ADAMTS3: variants seen among roughly 807,000 people sequenced by gnomAD.
ADAMTS3 encodes the protein A disintegrin and metalloproteinase with thrombospondin motifs 3.
In ADAMTS3, 73 loss-of-function variants were observed where a neutral mutation model predicts 129.0. That is an observed-to-expected ratio of 0.57 (90% CI 0.47 to 0.69). The LOEUF is 0.69. Ranked by LOEUF, ADAMTS3 falls within the 30% of genes least tolerant of loss-of-function variation. The pLI is 0.00. For missense variants in ADAMTS3, 1,457 were observed against 1,514.5 expected (o/e 0.96, Z 0.63); for synonymous variants, 477 against 510.8 (o/e 0.93, Z 0.89).
At chr4:72,468,187 A>G (rs1718971884) in intron 3 of ADAMTS3, among the ~76,000 whole-genome samples, 1 of 152,230 alleles carries the variant, frequency 6.6e-6, no homozygotes, top group African/African-American at 2.4e-5. Context: ...TCCTTCATTT[A>G]CAAACTCTAA....
rs549077414 is a variant in ADAMTS3, at chr4:72,518,843, A to G, written c.504+29635T>C. 3.5e-3 allele frequency among the ~76,000 whole-genome samples: 523 copies of G among 151,378 alleles called. 6 individuals are homozygous for G. The highest frequency in any genetic ancestry group is 0.027 in the East Asian group (138 of 5,164). On this transcript the variant is annotated intron_variant, in intron 3 of 21. Coordinates refer to ENST00000286657, the MANE Select transcript of ADAMTS3 (RefSeq NM_014243.3). ...GAGCATTTAGTCCATTTACATTTAA[A>G]GTTAATATTGTTATGTGTGAATTTG... is the stretch of plus-strand genomic sequence containing the variant.
At chr4:72,403,729 A>G (rs918913435) in intron 4 of ADAMTS3, among the ~76,000 whole-genome samples, 1 of 151,462 alleles carries the variant, frequency 6.6e-6, no homozygotes, top group Non-Finnish European at 1.5e-5. Flanking sequence ...AGATAAAAAA[A>G]TTTTTTAAAA....
chr4:72,305,738 T>C lies in ADAMTS3; in HGVS notation c.2260+249A>G, dbSNP rs555702682. Among the ~76,000 whole-genome samples, 33 of 152,016 alleles carry C rather than the reference T, an allele frequency of 2.2e-4. 2 individuals are homozygous for C. In the South Asian group the frequency reaches 6.6e-3, roughly 31 times the overall value. The stretch of plus-strand genomic sequence containing the variant: ...ATTCTTACATATACGTATGCACATG[T>C]ATGTACATATACATATGCACATGTA... On this transcript the variant is annotated intron_variant, in intron 16 of 21. Transcript: ENST00000286657.
chr4:72,503,734 A>C (rs1208400359), intron 3 of ADAMTS3, among the ~76,000 whole-genome samples: 1 of 152,182 alleles, frequency 6.6e-6, no homozygotes, highest in Non-Finnish European at 1.5e-5. Flanking sequence ...GTGACTGTCT[A>C]CATTTCCTAA....
chr4:72,462,405 G>T (rs140620708), intron 3 of ADAMTS3, among the ~76,000 whole-genome samples: 1 of 151,952 alleles, frequency 6.6e-6, no homozygotes, highest in African/African-American at 2.4e-5. Context: ...GAAACAATGC[G>T]CAGTCATGAA....
chr4:72,547,327 G>C (rs1721492776), intron 3 of ADAMTS3, among the ~76,000 whole-genome samples: 1 of 152,172 alleles, frequency 6.6e-6, no homozygotes. Context: ...CATTGTTCTT[G>C]ATTGTTCACA....
chr4:72,359,578 A>C (rs1022721453), intron 4 of ADAMTS3, among the ~76,000 whole-genome samples: 8 of 152,026 alleles, frequency 5.3e-5, no homozygotes, highest in Non-Finnish European at 1.2e-4. Flanking sequence ...TCAGTGAAAG[A>C]ACACAGTTAC....
At chr4:72,428,624 T>C (rs935578109) in intron 3 of ADAMTS3, among the ~76,000 whole-genome samples, 4 of 152,084 alleles carry the variant, frequency 2.6e-5, no homozygotes, top group Non-Finnish European at 5.9e-5. Context: ...TCCTTGTTTT[T>C]GGCATAAAGG....
At chr4:72,360,214 A>G (rs1268144492) in intron 4 of ADAMTS3, among the ~76,000 whole-genome samples, 1 of 152,060 alleles carries the variant, frequency 6.6e-6, no homozygotes, top group Non-Finnish European at 1.5e-5. Context: ...TGCCTTTTAC[A>G]CCATAGGAGG....
intron 3 of ADAMTS3, among the ~76,000 whole-genome samples, chr4:72,475,024 C>T (rs1253295834): frequency 7.0e-6 from 1 of 142,686 alleles, no homozygotes; most frequent in African/African-American, 2.6e-5. Context: ...GAGACTCCGT[C>T]TAAAAAAAAA....
chr4:72,477,120 G>A (rs1719257949), intron 3 of ADAMTS3, among the ~76,000 whole-genome samples: 2 of 152,076 alleles, frequency 1.3e-5, no homozygotes. Context: ...GAAATTGGGA[G>A]CAAAGCAGAG....
At chr4:72,445,794 T>C (rs951763905) in intron 3 of ADAMTS3, among the ~76,000 whole-genome samples, 2 of 151,698 alleles carry the variant, frequency 1.3e-5, no homozygotes, top group Non-Finnish European at 3.0e-5. Flanking sequence ...TTCATGTCAA[T>C]CATGGCAAAT....
chr4:72,403,456 T>C (rs541021871), intron 4 of ADAMTS3, among the ~76,000 whole-genome samples: 34 of 14,910 alleles, frequency 2.3e-3, no homozygotes, highest in Admixed American at 0.018. Flanking sequence ...TCTGCAGATA[T>C]TAGATGGAAA....
intron 3 of ADAMTS3, 147 bp from the exon 4 acceptor site, chr4:72,415,118 A>T: frequency 2.3e-6 from 1 of 427,936 alleles, no homozygotes; most frequent in Non-Finnish European, 3.7e-6. Flanking sequence ...AAATAGTTTT[A>T]TTAACTATCA....
chr4:72,383,251 A>G (rs1051624177), intron 4 of ADAMTS3, among the ~76,000 whole-genome samples: 1 of 152,152 alleles, frequency 6.6e-6, no homozygotes, highest in South Asian at 2.1e-4. Flanking sequence ...ATAAAATAGA[A>G]AAAAAAGCAG....
Position 72,400,085 on chromosome 4 carries a change from G to A in ADAMTS3, c.661+14730C>T, listed in dbSNP as rs1721859045. ...GTGTGTATATATGCACACATGGTGT[G>A]TATATACGTGTGTATATATGCACAC... On this transcript the variant is annotated intron_variant, in intron 4 of 21. Coordinates refer to ENST00000286657, the MANE Select transcript of ADAMTS3 (RefSeq NM_014243.3). 3.9e-5 allele frequency among the ~76,000 whole-genome samples: 2 copies of A among 51,534 alleles called. 1 individual carries two copies. The highest frequency in any genetic ancestry group is 1.1e-4 in the African/African-American group (2 of 18,344). The allele number at this position is 51,534 out of a possible 152,430, so 33.8% of individuals were successfully genotyped here. A position where few individuals can be genotyped will look rare whatever the true frequency, so the allele number is the denominator to read the frequency against.
Position 72,509,479 on chromosome 4 carries a change from C to T in ADAMTS3, c.504+38999G>A, listed in dbSNP as rs137996459. 4.0e-3 allele frequency among the ~76,000 whole-genome samples: 602 copies of T among 151,774 alleles called. 5 individuals carry two copies. The highest frequency in any genetic ancestry group is 0.014 in the African/African-American group (574 of 41,320). ...AAATTCAAAGGATCATTAATGGCTGCCATGAGCAACTATGTGCCAATAAAT... is the reference window on the plus strand; with the variant it reads ...AAATTCAAAGGATCATTAATGGCTGTCATGAGCAACTATGTGCCAATAAAT... On this transcript the variant is annotated intron_variant, in intron 3 of 21. Coordinates refer to ENST00000286657, the MANE Select transcript of ADAMTS3 (RefSeq NM_014243.3).
chr4:72,291,465 T>C (rs1468929643), intron 19 of ADAMTS3, among the ~76,000 whole-genome samples: 1 of 143,516 alleles, frequency 7.0e-6, no homozygotes, highest in African/African-American at 2.6e-5. Flanking sequence ...GTGTTCTCAC[T>C]GTTCAATTCC....
At chr4:72,391,397 C>A (rs1026319397) in intron 4 of ADAMTS3, among the ~76,000 whole-genome samples, 4 of 152,080 alleles carry the variant, frequency 2.6e-5, no homozygotes, top group Non-Finnish European at 5.9e-5. Context: ...AAATGGCATT[C>A]CCAAAGGCCC....
Sources: gnomAD v4.1 joint callset for allele counts (sites outside exome capture counted in the v4.1 genomes callset) on GRCh38, gnomAD v4.1.1 for gene constraint, MANE v1.5 for transcripts, NCBI Gene and HGNC (gene_info 2026-07-23, HGNC 2026-07-21) for gene names.